The following TUBGCP3 variants were observed in gnomAD, a reference collection of about 807,000 sequenced individuals.
TUBGCP3 encodes gamma-tubulin complex component 3.
In TUBGCP3, 50 loss-of-function variants were observed where a neutral mutation model predicts 123.1. The observed-to-expected ratio is 0.41, with a 90% CI of 0.32 to 0.51. TUBGCP3 has a LOEUF of 0.51. TUBGCP3 is among the 20% of genes least tolerant of loss of function. The probability of loss-of-function intolerance (pLI) is 0.36; values close to 1 mark genes in which losing one functional copy is unlikely to be tolerated. For missense variants in TUBGCP3, 882 were observed against 1,127.0 expected, an observed-to-expected ratio of 0.78 and a Z score of 3.11; for synonymous variants, 405 against 413.9, an observed-to-expected ratio of 0.98 and a Z score of 0.26.
intron 11 of TUBGCP3, among the ~76,000 whole-genome samples, chr13:112,529,485 G>A (rs970345584): frequency 3.3e-5 from 5 of 152,244 alleles, no homozygotes; most frequent in South Asian, 4.2e-4. Context: ...GGATTTAAGC[G>A]TGTCCAGTGC....
chr13:112,497,256 A>G (rs114400570), intron 20 of TUBGCP3, among the ~76,000 whole-genome samples: 36 of 152,328 alleles, frequency 2.4e-4, no homozygotes, highest in African/African-American at 8.2e-4. Context: ...TAAGTTATAG[A>G]GTTAGGTAGA....
chr13:112,520,292 G>A (rs1230513762), intron 14 of TUBGCP3, among the ~76,000 whole-genome samples: 1 of 152,150 alleles, frequency 6.6e-6, no homozygotes, highest in Non-Finnish European at 1.5e-5. Context: ...ACTTTGGGAG[G>A]CCAAGGTGGG....
chr13:112,580,820 CTAT>C (rs1882228562), intron 1 of TUBGCP3, among the ~76,000 whole-genome samples: 1 of 152,164 alleles, frequency 6.6e-6, no homozygotes, highest in African/African-American at 2.4e-5. Context: ...CATTTTCAGA[CTAT>C]TAAGTAATTA....
intron 20 of TUBGCP3, among the ~76,000 whole-genome samples, chr13:112,492,178 G>C (rs1046735772): frequency 5.9e-5 from 9 of 152,114 alleles, no homozygotes; most frequent in Admixed American, 5.9e-4. Context: ...TTTGCCATCT[G>C]ATTTTAGAAA....
At chr13:112,497,659 A>C (rs1880612312) in intron 20 of TUBGCP3, among the ~76,000 whole-genome samples, 1 of 152,220 alleles carries the variant, frequency 6.6e-6, no homozygotes, top group South Asian at 2.1e-4. Flanking sequence ...GCCTTACAGA[A>C]ACCTCAGTGG....
intron 10 of TUBGCP3, 66 bp downstream of exon 10, chr13:112,547,554 T>A: frequency 8.0e-7 from 1 of 1,249,680 alleles, no homozygotes; most frequent in Non-Finnish European, 1.0e-6. Flanking sequence ...AAGTCGCGCG[T>A]GGGAAAGTCG....
At chr13:112,560,303 G>A (rs1462511373) in intron 3 of TUBGCP3, among the ~76,000 whole-genome samples, 13 of 150,778 alleles carry the variant, frequency 8.6e-5, no homozygotes, top group South Asian at 2.1e-4. Context: ...AGTGGCGGGC[G>A]CCTGTAGTCC....
chr13:112,579,157 A>AACAC (rs113223786), intron 1 of TUBGCP3, among the ~76,000 whole-genome samples: 28 of 151,754 alleles, frequency 1.8e-4, no homozygotes, highest in East Asian at 1.4e-3. Context: ...ATGAATGGCA[A>AACAC]ACACACACAC....
chr13:112,545,446 G>T lies in TUBGCP3; in HGVS notation c.1335+253C>A. 2.4e-6 allele frequency: 1 copy of T among 415,140 alleles called. No homozygotes were observed. The highest frequency in any genetic ancestry group is 4.4e-6 in the Non-Finnish European group (1 of 227,968). The allele number at this position is 415,140 out of a possible 1,614,324, so 25.7% of individuals were successfully genotyped here. On this transcript the variant is annotated intron_variant, in intron 11 of 21. Transcript: ENST00000261965. This position sits in a 1 kb window ranked among gnomAD's most constrained non-coding sequence, Gnocchi z 4.1. The stretch of plus-strand genomic sequence containing the variant: ...TGCCATCCACGTGCTAGTAAACTCG[G>T]ACGAGTGATTCCACCTTGCTGAGGA...
intron 8 of TUBGCP3, among the ~76,000 whole-genome samples, chr13:112,548,780 A>G (rs1879289133): frequency 6.6e-6 from 1 of 152,342 alleles, no homozygotes; most frequent in Non-Finnish European, 1.5e-5. Context: ...TCAAACCACA[A>G]TGAGATACCA....
intron 1 of TUBGCP3, among the ~76,000 whole-genome samples, chr13:112,583,074 C>T (rs1882384031): frequency 6.6e-6 from 1 of 152,160 alleles, no homozygotes; most frequent in African/African-American, 2.4e-5. Flanking sequence ...CTTGGCCCCG[C>T]AATTTACTAG....
chr13:112,558,783 T>C (rs999461008), intron 4 of TUBGCP3, among the ~76,000 whole-genome samples: 1 of 152,196 alleles, frequency 6.6e-6, no homozygotes, highest in Non-Finnish European at 1.5e-5. Context: ...AGACGAAGCC[T>C]TTAGCAATAG....
chr13:112,485,747 A>G lies in TUBGCP3; in HGVS notation c.*246T>C, dbSNP rs926212820. The G allele has an allele frequency of 3.5e-5, 15 of 427,914 alleles. No homozygotes were observed. Among genetic ancestry groups the G allele is most frequent in the Non-Finnish European group, 6.2e-5 (15 of 243,796 alleles). The allele number at this position is 427,914 out of a possible 1,614,324, so 26.5% of individuals were successfully genotyped here. A position where few individuals can be genotyped will look rare whatever the true frequency, so the allele number is the denominator to read the frequency against. Reference sequence around the variant, plus strand: ...ATTATGGTATCTTTTAGCGATGAAGACTTTTAGAGACAAATGTGAACAGTG... The same window carrying G: ...ATTATGGTATCTTTTAGCGATGAAGGCTTTTAGAGACAAATGTGAACAGTG... On this transcript the variant is annotated 3_prime_UTR_variant, in exon 22 of 22. Transcript: ENST00000261965.
intron 20 of TUBGCP3, among the ~76,000 whole-genome samples, chr13:112,496,275 C>T (rs1347461458): frequency 2.6e-5 from 4 of 152,108 alleles, no homozygotes; most frequent in African/African-American, 4.8e-5. Context: ...TGGAAAGAAA[C>T]AGAAGAGCCA....
chr13:112,598,168 G>C, the TUBGCP3 span, among the ~76,000 whole-genome samples: 2 of 152,072 alleles, frequency 1.3e-5, no homozygotes, highest in East Asian at 3.9e-4. Context: ...AGTGCAGAAA[G>C]AAAACAACTG....
At chr13:112,542,024 T>C (rs576453582) in intron 11 of TUBGCP3, among the ~76,000 whole-genome samples, 41 of 152,316 alleles carry the variant, frequency 2.7e-4, no homozygotes, top group African/African-American at 9.4e-4. Flanking sequence ...AAGATACACC[T>C]CAAAACTGAG....
At chr13:112,514,702 T>A (rs1315366518) in intron 17 of TUBGCP3, among the ~76,000 whole-genome samples, 1 of 152,230 alleles carries the variant, frequency 6.6e-6, no homozygotes, top group Non-Finnish European at 1.5e-5. Context: ...CAAAAAGTGA[T>A]CTGATAATAT....
the TUBGCP3 span, among the ~76,000 whole-genome samples, chr13:112,602,640 A>G: frequency 6.6e-6 from 1 of 152,332 alleles, no homozygotes; most frequent in Admixed American, 6.5e-5. Context: ...GTTCTTTGTC[A>G]TATTTTTATA....
chr13:112,542,974 C>T (rs894392282), intron 11 of TUBGCP3, among the ~76,000 whole-genome samples: 1 of 152,096 alleles, frequency 6.6e-6, no homozygotes, highest in African/African-American at 2.4e-5. Flanking sequence ...AAAGTGAAAC[C>T]CCGTCTCTAC....
Sources: allele counts gnomAD v4.1 joint callset (sites outside exome capture counted in the v4.1 genomes callset), GRCh38; gene constraint gnomAD v4.1.1; non-coding constraint Gnocchi (gnomAD v3.1); transcripts MANE v1.5; gene names NCBI Gene and HGNC (gene_info 2026-07-23, HGNC 2026-07-21).